The following PACSIN1 variants were observed in gnomAD, a reference collection of about 807,000 sequenced individuals.
The protein encoded by PACSIN1 is protein kinase C and casein kinase substrate in neurons protein 1.
In PACSIN1, 15 loss-of-function variants were observed where a neutral mutation model predicts 59.5. That is an observed-to-expected ratio of 0.25 (90% CI 0.17 to 0.39). PACSIN1 has a LOEUF of 0.39. Ranked by LOEUF, PACSIN1 falls within the 10% of genes least tolerant of loss-of-function variation. The probability of loss-of-function intolerance (pLI) is 1.00; values close to 1 mark genes in which losing one functional copy is unlikely to be tolerated. For missense variants in PACSIN1, 420 were observed against 580.2 expected (o/e 0.72, Z 2.84); for synonymous variants, 210 against 220.6 (o/e 0.95, Z 0.42).
intron 1 of PACSIN1, among the ~76,000 whole-genome samples, chr6:34,470,038 G>A (rs529078942): frequency 1.2e-3 from 187 of 152,328 alleles, no homozygotes; most frequent in Non-Finnish European, 2.2e-3. Flanking sequence ...AGGGTGGCCT[G>A]GAGGGGAGGG....
Position 34,529,310 on chromosome 6 carries a change from G to T in PACSIN1, c.457-87G>T. On this transcript the variant is annotated intron_variant, in intron 4 of 9. Transcript: ENST00000244458. The surrounding 1 kb of genome is among the most constrained non-coding windows in gnomAD (Gnocchi z 6.3). ...AGAGTGTGGGCTCACAGGTCCCAGG[G>T]AGTGGGCAGGGGAGGAGTTAATGGG... 5.6e-6 allele frequency: 8 copies of T among 1,430,278 alleles called. No homozygotes were observed. In the South Asian group the frequency reaches 7.6e-5, roughly 14 times the overall value. 88.6% of individuals were successfully genotyped at this position (1,430,278 alleles called of 1,614,324 possible).
intron 1 of PACSIN1, among the ~76,000 whole-genome samples, chr6:34,497,453 A>T (rs903809785): frequency 1.3e-5 from 2 of 152,162 alleles, no homozygotes; most frequent in Non-Finnish European, 2.9e-5. Flanking sequence ...AAGCTTGGGC[A>T]GATAGGCTTT....
intron 1 of PACSIN1, among the ~76,000 whole-genome samples, chr6:34,517,883 T>A (rs913416410): frequency 6.6e-6 from 1 of 152,220 alleles, no homozygotes; most frequent in Non-Finnish European, 1.5e-5. Context: ...TCTGTCTTGT[T>A]CACTGCTGTA....
intron 1 of PACSIN1, among the ~76,000 whole-genome samples, chr6:34,499,790 C>T (rs554398162): frequency 5.3e-5 from 8 of 150,882 alleles, no homozygotes; most frequent in Middle Eastern, 3.4e-3. Context: ...AGTGAAACTT[C>T]GTCTCAATAA....
intron 1 of PACSIN1, among the ~76,000 whole-genome samples, chr6:34,524,376 T>A (rs1767448429): frequency 6.6e-6 from 1 of 151,938 alleles, no homozygotes; most frequent in Non-Finnish European, 1.5e-5. Flanking sequence ...GAGGCAAAAT[T>A]AAAAGGGCAC....
chr6:34,503,620 G>C (rs889254898), intron 1 of PACSIN1, among the ~76,000 whole-genome samples: 1 of 152,188 alleles, frequency 6.6e-6, no homozygotes, highest in African/African-American at 2.4e-5. Context: ...GCTCACAGAA[G>C]TCACTCAGTC....
chr6:34,499,472 A>C (rs1373625794), intron 1 of PACSIN1, among the ~76,000 whole-genome samples: 3 of 151,596 alleles, frequency 2.0e-5, no homozygotes, highest in Admixed American at 2.0e-4. Context: ...TAAATATAAG[A>C]ACTAAATTTT....
chr6:34,469,520 A>G (rs1259465510), intron 1 of PACSIN1, among the ~76,000 whole-genome samples: 1 of 152,102 alleles, frequency 6.6e-6, no homozygotes, highest in African/African-American at 2.4e-5. Context: ...AGGAAGTGGG[A>G]TTGGATGAAG....
At position 34,498,796 on chromosome 6, in the gene PACSIN1, CAA is replaced by C. The variant is rs1228510694; in HGVS notation, c.-63-27427_-63-27426del. On this transcript the variant is annotated intron_variant, in intron 1 of 9. Transcript: ENST00000244458. ...TAGGCCACAAAGCAAGACTTTGTCT[CAA>C]AAAAAAAAAAAAAAAAAAAGTGTCC... 8.3e-3 allele frequency among the ~76,000 whole-genome samples: 792 copies of C among 95,572 alleles called. 7 individuals are homozygous for C. Among genetic ancestry groups the C allele is most frequent in the African/African-American group, 0.027 (685 of 25,226 alleles). 62.7% of individuals were successfully genotyped at this position (95,572 alleles called of 152,430 possible). A position where few individuals can be genotyped will look rare whatever the true frequency, so the allele number is the denominator to read the frequency against.
intron 1 of PACSIN1, among the ~76,000 whole-genome samples, chr6:34,467,214 C>A (rs890449007): frequency 6.6e-5 from 10 of 152,246 alleles, no homozygotes; most frequent in African/African-American, 2.4e-4. Flanking sequence ...CCTCCAGCAG[C>A]TTCCCTGATA....
At chr6:34,500,869 G>A (rs541680892) in intron 1 of PACSIN1, among the ~76,000 whole-genome samples, 34 of 152,300 alleles carry the variant, frequency 2.2e-4, no homozygotes, top group African/African-American at 6.0e-4. Flanking sequence ...CTGTTTCAAC[G>A]TGCACTTTGC....
rs773181998 is a variant in PACSIN1, at chr6:34,531,050, T to C, written c.1037+463T>C. Among the ~76,000 whole-genome samples, 28 of 152,080 alleles carry C rather than the reference T, an allele frequency of 1.8e-4. No homozygotes were observed. Among genetic ancestry groups the C allele is most frequent in the Non-Finnish European group, 3.2e-4 (22 of 68,024 alleles). ...CCACGGACTGTCTGCAGCCCCAGGG[T>C]TGGGGACCCCGGTCCAGATCACAGG... On this transcript the variant is annotated intron_variant, in intron 8 of 9. Coordinates refer to ENST00000244458, the MANE Select transcript of PACSIN1 (RefSeq NM_020804.5). This position sits in a 1 kb window ranked among gnomAD's most constrained non-coding sequence, Gnocchi z 4.4.
chr6:34,529,577 A>G lies in PACSIN1; in HGVS notation c.612+25A>G, dbSNP rs1002181770. The G allele has an allele frequency of 1.9e-6, 3 of 1,613,564 alleles. No individual in the cohort carries two copies. Among genetic ancestry groups the G allele is most frequent in the African/African-American group, 2.7e-5 (2 of 74,894 alleles). On this transcript the variant is annotated intron_variant, in intron 5 of 9. Transcript: ENST00000244458. This position sits in a 1 kb window ranked among gnomAD's most constrained non-coding sequence, Gnocchi z 6.3. ...GGTGCTGGCGGGCAGGGATGGCAGTAGGGGGTCTGGGGGCCCCTTGCAGAG... is the reference window on the plus strand; with the variant it reads ...GGTGCTGGCGGGCAGGGATGGCAGTGGGGGGTCTGGGGGCCCCTTGCAGAG...
intron 1 of PACSIN1, among the ~76,000 whole-genome samples, chr6:34,511,754 C>T (rs1303177837): frequency 6.6e-6 from 1 of 152,160 alleles, no homozygotes; most frequent in Non-Finnish European, 1.5e-5. Flanking sequence ...GAATATTATG[C>T]AGATGAGATG....
chr6:34,528,360 T>G (rs1365775521), intron 3 of PACSIN1, among the ~76,000 whole-genome samples: 1 of 152,088 alleles, frequency 6.6e-6, no homozygotes, highest in Non-Finnish European at 1.5e-5. Context: ...TCCATGGGGC[T>G]CACATGCTGA....
chr6:34,469,126 T>C (rs1197497215), intron 1 of PACSIN1, among the ~76,000 whole-genome samples: 2 of 150,286 alleles, frequency 1.3e-5, no homozygotes, highest in Non-Finnish European at 3.0e-5. Context: ...CATTCACTGA[T>C]TTGGGGGGCC....
rs201041422 is a variant in PACSIN1 at position 34,527,462 on chromosome 6, A to G, written c.194A>G (p.Lys65Arg). Residue 65 changes from lysine to arginine, a missense_variant, in exon 3 of 10, where the codon AAG becomes AGG. Physicochemically the swap from Lys to Arg is conservative, Grantham distance 26. Coordinates refer to ENST00000244458, the MANE Select transcript of PACSIN1 (RefSeq NM_020804.5). ...AYGQQLTDWA[K>R]RWRQLIEKGP... is the part of the protein sequence containing the mutation. ...GGGCAGCAGCTCACCGACTGGGCCA[A>G]GCGTTGGCGCCAGCTCATCGAGAAA... 4.4e-4 allele frequency: 703 copies of G among 1,595,906 alleles called. 9 individuals are homozygous for G. In the East Asian group the frequency reaches 0.012, roughly 28 times the overall value.
At chr6:34,480,013 A>G (rs1766692621) in intron 1 of PACSIN1, among the ~76,000 whole-genome samples, 1 of 151,542 alleles carries the variant, frequency 6.6e-6, no homozygotes, top group Non-Finnish European at 1.5e-5. Context: ...TTTAATGGAG[A>G]CGGGGTTTCA....
chr6:34,514,566 G>C lies in PACSIN1; in HGVS notation c.-63-11677G>C, dbSNP rs915208792. On this transcript the variant is annotated intron_variant, in intron 1 of 9. Coordinates refer to ENST00000244458, the MANE Select transcript of PACSIN1 (RefSeq NM_020804.5). This position sits in a 1 kb window ranked among gnomAD's most constrained non-coding sequence, Gnocchi z 4.4. ...TGCAGCTGTCTGGAAGGACGATTGGGAGGTGGGATCTTGGGGAGAAAGGGA... is the reference window on the plus strand; with the variant it reads ...TGCAGCTGTCTGGAAGGACGATTGGCAGGTGGGATCTTGGGGAGAAAGGGA... 6.6e-6 allele frequency among the ~76,000 whole-genome samples: 1 copy of C among 152,206 alleles called. No homozygotes were observed. The highest frequency in any genetic ancestry group is 1.5e-5 in the Non-Finnish European group (1 of 68,036).
Sources: gnomAD v4.1 joint callset for allele counts (sites outside exome capture counted in the v4.1 genomes callset) on GRCh38, gnomAD v4.1.1 for gene constraint, Gnocchi (gnomAD v3.1) non-coding constraint, MANE v1.5 for transcripts, NCBI Gene and HGNC (gene_info 2026-07-23, HGNC 2026-07-21) for gene names.